Variants in IGDCC3 observed in about 807,000 individuals in gnomAD.
IGDCC3 encodes the protein putative neuronal cell adhesion molecule.
IGDCC3 carries 47 observed loss-of-function variants against 72.0 expected under a neutral mutation model. That is an observed-to-expected ratio of 0.65 (90% CI 0.52 to 0.83). The LOEUF (loss-of-function observed/expected upper bound fraction) is 0.83. Ranked by LOEUF, IGDCC3 falls within the 40% of genes least tolerant of loss-of-function variation. The probability of loss-of-function intolerance (pLI) is 0.00; values close to 1 mark genes in which losing one functional copy is unlikely to be tolerated. For missense variants in IGDCC3, 1,038 were observed against 1,091.3 expected (o/e 0.95, Z 0.69); for synonymous variants, 477 against 472.8 (o/e 1.01, Z -0.11).
In IGDCC3 at chr15:65,353,825, A is replaced by G. The variant is rs1390449778; in HGVS notation, c.410-17869T>C. The stretch of plus-strand genomic sequence containing the variant: ...ATGCATAATCCACCCCTTGTTTAGC[A>G]TATCATCAAGAAATAACCATAAAAA... On this transcript the variant is annotated intron_variant, in intron 2 of 13. Coordinates refer to ENST00000327987, the MANE Select transcript of IGDCC3 (RefSeq NM_004884.4). Among the ~76,000 whole-genome samples, 9 of 152,210 alleles carry G rather than the reference A, an allele frequency of 5.9e-5. No individual in the cohort carries two copies. The East Asian group carries it at 1.7e-3, about 29-fold the overall frequency.
rs141425682 is a variant in IGDCC3 at position 65,334,756 on chromosome 15, C to T, written c.795G>A (p.Pro265=). ...GGCGGCTCCAGGACACAATGGGGCG[C>T]GGGTTGCCCGTGGCGACACACTCAA... ...AVLECVATGN[P]RPIVSWSRLD... Residue 265 remains proline, a synonymous_variant, in exon 5 of 14, where the codon CCG becomes CCA. Coordinates refer to ENST00000327987, the MANE Select transcript of IGDCC3 (RefSeq NM_004884.4). The T allele has an allele frequency of 2.0e-5, 32 of 1,594,356 alleles. No individual in the cohort carries two copies. The highest frequency in any genetic ancestry group is 1.7e-4 in the Middle Eastern group (1 of 6,006).
At chr15:65,351,543 A>AG (rs966770701) in intron 2 of IGDCC3, among the ~76,000 whole-genome samples, 1 of 152,086 alleles carries the variant, frequency 6.6e-6, no homozygotes, top group African/African-American at 2.4e-5. Context: ...CAAAAAAAAA[A>AG]AAAAAAGAAT....
intron 2 of IGDCC3, chr15:65,373,844 G>A (rs1470497198): frequency 1.3e-5 from 2 of 152,406 alleles, no homozygotes; most frequent in African/African-American, 2.4e-5. Context: ...CTTAAAAAGT[G>A]TTAGCTAGAC....
intron 2 of IGDCC3, among the ~76,000 whole-genome samples, chr15:65,353,272 T>A (rs1567067510): frequency 6.7e-6 from 1 of 150,002 alleles, no homozygotes; most frequent in East Asian, 2.0e-4. Context: ...GTTTTTTTTA[T>A]AAAGAGTCTT....
intron 2 of IGDCC3, chr15:65,373,439 T>A (rs1230824157): frequency 6.6e-6 from 1 of 152,226 alleles, no homozygotes; most frequent in African/African-American, 2.4e-5. Flanking sequence ...CCCAGCGAAC[T>A]CCATATGGGG....
In IGDCC3 at chr15:65,330,286, C is replaced by A. The variant is rs746338821; in HGVS notation, c.1858+7G>T. ...ACTCAGCCCCGCACTCCATCCCCAG[C>A]CCTCACCTGTCCTCTCAGATGCTCC... On this transcript the variant is annotated splice_region_variant and intron_variant, in intron 11 of 13. Transcript: ENST00000327987. The A allele has an allele frequency of 1.2e-6, 2 of 1,603,248 alleles. No homozygotes were observed. The highest frequency in any genetic ancestry group is 2.2e-5 in the South Asian group (2 of 90,284).
chr15:65,349,033 C>T (rs541695666), intron 2 of IGDCC3, among the ~76,000 whole-genome samples: 2 of 152,294 alleles, frequency 1.3e-5, no homozygotes, highest in African/African-American at 2.4e-5. Context: ...ATTTCACTTT[C>T]CCCACCCTGC....
chr15:65,359,081 T>C (rs1169486234), intron 2 of IGDCC3, among the ~76,000 whole-genome samples: 1 of 152,168 alleles, frequency 6.6e-6, no homozygotes, highest in African/African-American at 2.4e-5. Flanking sequence ...CTGCCCCAAG[T>C]GCTGGGACTA....
Position 65,335,844 on chromosome 15 carries a change from C to T in IGDCC3, c.522G>A (p.Lys174=), listed in dbSNP as rs150031330. ...TGTCCGTGTCAATTGGGACTCTGTTCTTCTCCCAAGTGATCAGGGGTTTGG... is the reference window on the plus strand; with the variant it reads ...TGTCCGTGTCAATTGGGACTCTGTTTTTCTCCCAAGTGATCAGGGGTTTGG... The part of the protein sequence containing the change: ...GLPKPLITWE[K]NRVPIDTDNE... The change falls in exon 3 of 14, where the codon AAG becomes AAA. Residue 174 remains lysine (K), a synonymous_variant. Transcript: ENST00000327987. 23 of 1,614,198 alleles carry T rather than the reference C, an allele frequency of 1.4e-5. No homozygotes were observed. The African/African-American group carries it at 2.1e-4, about 15-fold the overall frequency.
At position 65,329,173 on chromosome 15, in the gene IGDCC3, G is replaced by A. The variant is rs764678225; in HGVS notation, c.2206-25C>T. ...GCTGGGGAAAGAGCCCGTCACACAG[G>A]CGTCAGCTTGAGGGCCAGGGCGCCA... On this transcript the variant is annotated intron_variant, in intron 13 of 13. Transcript: ENST00000327987. The surrounding 1 kb of genome is among the most constrained non-coding windows in gnomAD (Gnocchi z 4.1). 8 of 1,588,040 alleles carry A rather than the reference G, an allele frequency of 5.0e-6. No homozygotes were observed. Among genetic ancestry groups the A allele is most frequent in the Non-Finnish European group, 6.8e-6 (8 of 1,168,810 alleles).
chr15:65,337,446 TA>T (rs2091040747), intron 2 of IGDCC3, among the ~76,000 whole-genome samples: 1 of 151,908 alleles, frequency 6.6e-6, no homozygotes, highest in African/African-American at 2.4e-5. Context: ...TCTGTGCAGG[TA>T]ATCAATCACA....
chr15:65,363,583 G>A (rs1268707592), intron 2 of IGDCC3, among the ~76,000 whole-genome samples: 1 of 152,176 alleles, frequency 6.6e-6, no homozygotes, highest in South Asian at 2.1e-4. Flanking sequence ...CCAGGCAAGG[G>A]GACAGGACAA....
chr15:65,367,179 A>G (rs1019880454), intron 2 of IGDCC3, among the ~76,000 whole-genome samples: 1 of 152,098 alleles, frequency 6.6e-6, no homozygotes, highest in African/African-American at 2.4e-5. Flanking sequence ...CCCCGTCTCT[A>G]CTAAAAATAC....
intron 2 of IGDCC3, among the ~76,000 whole-genome samples, chr15:65,369,863 C>T (rs2091312531): frequency 6.6e-6 from 1 of 152,136 alleles, no homozygotes; most frequent in African/African-American, 2.4e-5. Context: ...CTCCTAACCC[C>T]CACTCCAACC....
intron 2 of IGDCC3, chr15:65,373,574 A>T (rs1428106569): frequency 6.5e-6 from 1 of 152,752 alleles, no homozygotes; most frequent in African/African-American, 2.4e-5. Flanking sequence ...AGAGCCAGGA[A>T]GAAACTTGTC....
intron 7 of IGDCC3, 50 bp downstream of exon 7, chr15:65,331,891 C>G (rs761449374): frequency 6.3e-7 from 1 of 1,577,250 alleles, no homozygotes; most frequent in African/African-American, 1.3e-5. Flanking sequence ...CCAGGCCCCG[C>G]TTTCCCTGCT....
rs573947747 is a variant in IGDCC3, at chr15:65,347,965, A to AAAAC, written c.410-12013_410-12010dup. On this transcript the variant is annotated intron_variant, in intron 2 of 13. Coordinates refer to ENST00000327987, the MANE Select transcript of IGDCC3 (RefSeq NM_004884.4). The stretch of plus-strand genomic sequence containing the variant: ...CAACAACAACAACAACAACAACAAC[A>AAAAC]AAACAAACAAACAAACAAAAAACAG... Among the ~76,000 whole-genome samples the AAAAC allele has an allele frequency of 8.6e-5, 13 of 151,662 alleles. No homozygotes were observed. In the East Asian group the frequency reaches 9.7e-4, roughly 11 times the overall value.
At chr15:65,354,521 A>C (rs562826497) in intron 2 of IGDCC3, among the ~76,000 whole-genome samples, 1 of 152,232 alleles carries the variant, frequency 6.6e-6, no homozygotes, top group Admixed American at 6.5e-5. Flanking sequence ...ACCCCTTTTC[A>C]GACTGTATTA....
At chr15:65,366,365 T>C (rs1031515224) in intron 2 of IGDCC3, among the ~76,000 whole-genome samples, 1 of 151,626 alleles carries the variant, frequency 6.6e-6, no homozygotes, top group African/African-American at 2.4e-5. Context: ...TGAGATCCTA[T>C]CTCTAAAGAA....
Sources: gnomAD v4.1 joint callset for allele counts (sites outside exome capture counted in the v4.1 genomes callset) on GRCh38, gnomAD v4.1.1 for gene constraint, Gnocchi (gnomAD v3.1) non-coding constraint, MANE v1.5 for transcripts, NCBI Gene and HGNC (gene_info 2026-07-23, HGNC 2026-07-21) for gene names.